The following TTYH3 variants were observed in gnomAD, a reference collection of about 807,000 sequenced individuals.
TTYH3 encodes the protein protein tweety homolog 3.
A neutral mutation model predicts 68.2 loss-of-function variants in TTYH3; 23 were observed. That is an observed-to-expected ratio of 0.34 (90% CI 0.24 to 0.48). The LOEUF (loss-of-function observed/expected upper bound fraction) is 0.48. Among genes scored for constraint, TTYH3 ranks in the 20% least tolerant of loss-of-function variants. The pLI, the probability that TTYH3 is intolerant of heterozygous loss-of-function variation, is 0.99. For synonymous variants in TTYH3, 360 were observed against 332.8 expected, an observed-to-expected ratio of 1.08 and a Z score of -0.89; for missense variants, 768 against 727.7, an observed-to-expected ratio of 1.06 and a Z score of -0.64.
rs1786320750 is a variant in TTYH3, at chr7:2,655,948, TG to T, written c.1021-143del. On this transcript the variant is annotated intron_variant, in intron 9 of 13. Transcript: ENST00000258796. ...GCCCAGAGTCCTTGTCCTCAGGACCTGCACTGAGACCCCAGGGTGGGGGGTA... is the reference window on the plus strand; with the variant it reads ...GCCCAGAGTCCTTGTCCTCAGGACCTCACTGAGACCCCAGGGTGGGGGGTA... 6 of 652,434 alleles carry T rather than the reference TG, an allele frequency of 9.2e-6. No individual in the cohort carries two copies. The South Asian group carries it at 1.2e-4, about 13-fold the overall frequency. 40.4% of individuals were successfully genotyped at this position (652,434 alleles called of 1,614,324 possible). A position where few individuals can be genotyped will look rare whatever the true frequency, so the allele number is the denominator to read the frequency against.
At chr7:2,635,821 T>A (rs997900629) in intron 1 of TTYH3, among the ~76,000 whole-genome samples, 5 of 152,242 alleles carry the variant, frequency 3.3e-5, no homozygotes, top group Admixed American at 3.3e-4. Context: ...CAGATGTTTC[T>A]GTTGAGACCT....
chr7:2,658,491 G>T, intron 12 of TTYH3, 32 bp downstream of exon 12: 1 of 1,584,886 alleles, frequency 6.3e-7, no homozygotes, highest in South Asian at 1.1e-5. Flanking sequence ...GGGGCCAGCG[G>T]ACACGTCAGC....
chr7:2,643,366 A>AG (rs1250678688), intron 1 of TTYH3, among the ~76,000 whole-genome samples: 5 of 151,928 alleles, frequency 3.3e-5, no homozygotes, highest in Admixed American at 2.6e-4. Context: ...AAAAAAAAAA[A>AG]AAAAAAATCG....
intron 1 of TTYH3, among the ~76,000 whole-genome samples, chr7:2,641,120 G>A (rs905976762): frequency 6.6e-5 from 10 of 152,310 alleles, no homozygotes; most frequent in Non-Finnish European, 8.8e-5. Flanking sequence ...AGCCCTGCCC[G>A]CTCCTCACCA....
In TTYH3 at chr7:2,656,349, C is replaced by T. The variant is rs751333058; in HGVS notation, c.1114-49C>T. 8 of 1,591,764 alleles carry T rather than the reference C, an allele frequency of 5.0e-6. 1 individual carries two copies. In the South Asian group the frequency reaches 7.8e-5, roughly 15 times the overall value. ...TGGGCTGAAGGTCTCACGCTGCCCC[C>T]TCCACCCTCCCTGTCTCTGGATCCT... On this transcript the variant is annotated intron_variant, in intron 10 of 13. Coordinates refer to ENST00000258796, the MANE Select transcript of TTYH3 (RefSeq NM_025250.3).
At chr7:2,646,815 G>C in intron 1 of TTYH3, 38 bp from the exon 2 acceptor site, 4 of 1,572,356 alleles carry the variant, frequency 2.5e-6, no homozygotes, top group Non-Finnish European at 3.4e-6. Context: ...CTGAGCTGGG[G>C]GTCCACCCCT....
At chr7:2,659,296 G>T (rs1786426281) in intron 13 of TTYH3, among the ~76,000 whole-genome samples, 1 of 152,196 alleles carries the variant, frequency 6.6e-6, no homozygotes, top group African/African-American at 2.4e-5. Flanking sequence ...GCCGCCCAGG[G>T]GGTCAGCTCT....
Position 2,652,168 on chromosome 7 carries a change from C to G in TTYH3, c.872-19C>G, listed in dbSNP as rs373849968. On this transcript the variant is annotated intron_variant, in intron 7 of 13. Transcript: ENST00000258796. Reference sequence around the variant, plus strand: ...GGGACAGCTGTTGCAGCTCAGCCTTCCCTGATGTCTCTCCGCAGACATCCT... The same window carrying G: ...GGGACAGCTGTTGCAGCTCAGCCTTGCCTGATGTCTCTCCGCAGACATCCT... The G allele has an allele frequency of 6.2e-7, 1 of 1,612,702 alleles. No individual in the cohort carries two copies. Among genetic ancestry groups the G allele is most frequent in the Admixed American group, 1.7e-5 (1 of 60,016 alleles).
rs1479258518 is a variant in TTYH3 at position 2,663,971 on chromosome 7, C to G, written c.*2232C>G. 1 of 152,484 alleles carries G rather than the reference C, an allele frequency of 6.6e-6. No homozygotes were observed. Among genetic ancestry groups the G allele is most frequent in the Non-Finnish European group, 1.5e-5 (1 of 68,102 alleles). The allele number at this position is 152,484 out of a possible 1,614,324, so 9.4% of individuals were successfully genotyped here. A position where few individuals can be genotyped will look rare whatever the true frequency, so the allele number is the denominator to read the frequency against. On this transcript the variant is annotated 3_prime_UTR_variant, in exon 14 of 14. Transcript: ENST00000258796. Reference sequence around the variant, plus strand: ...TGAGTTTTCGGTGCCGTGTTCCTAACTACTCCATCCCATGACCTCGCCACA... The same window carrying G: ...TGAGTTTTCGGTGCCGTGTTCCTAAGTACTCCATCCCATGACCTCGCCACA...
In TTYH3 at chr7:2,649,961, G is replaced by A. The variant is rs1342683025; in HGVS notation, c.844G>A (p.Val282Met). The A allele has an allele frequency of 6.2e-7, 1 of 1,614,066 alleles. No individual in the cohort carries two copies. The highest frequency in any genetic ancestry group is 1.3e-5 in the African/African-American group (1 of 75,042). ...CCCTGACGCCTACGTGACCAAAATG[G>A]TGGAGGAGTACTCGGTGCTGAGTGG... ...VDPDAYVTKMVEEYSVLSGDI... is the reference protein window; with the variant it reads ...VDPDAYVTKMMEEYSVLSGDI... Residue 282 changes from valine to methionine, a missense_variant, in exon 7 of 14, where the codon GTG becomes ATG. Val to Met is a conservative substitution (Grantham distance 21, BLOSUM62 1). Coordinates refer to ENST00000258796, the MANE Select transcript of TTYH3 (RefSeq NM_025250.3).
chr7:2,654,288 A>G (rs7793015), intron 9 of TTYH3, among the ~76,000 whole-genome samples: 81,718 of 151,914 alleles, frequency 0.54, 25,377 homozygotes, highest in African/African-American at 0.87. Flanking sequence ...CCAGCTGCAC[A>G]GGAGGCTGAG....
chr7:2,633,174 C>T (rs1001335815), intron 1 of TTYH3, among the ~76,000 whole-genome samples: 4 of 152,154 alleles, frequency 2.6e-5, no homozygotes, highest in Non-Finnish European at 5.9e-5. Context: ...CCTAGAGATC[C>T]GGATTCCAGA....
chr7:2,644,979 C>T (rs1562711073), intron 1 of TTYH3, among the ~76,000 whole-genome samples: 1 of 152,344 alleles, frequency 6.6e-6, no homozygotes, highest in Middle Eastern at 3.4e-3. Context: ...CAGCAGCTCC[C>T]AAGGCTGGGG....
chr7:2,652,958 A>G lies in TTYH3; in HGVS notation c.968A>G (p.Asp323Gly). The G allele has an allele frequency of 6.3e-7, 1 of 1,576,770 alleles. No individual in the cohort carries two copies. Among genetic ancestry groups the G allele is most frequent in the Non-Finnish European group, 8.6e-7 (1 of 1,161,706 alleles). ...GSHKALVEMQ[D>G]VVAELLRTVP... ...CACAAGGCACTGGTGGAGATGCAGG[A>G]TGTCGTGGCTGAGCTTCTGAGGACC... Residue 323 changes from aspartate (D) to glycine (G), a missense_variant, in exon 9 of 14, where the codon GAT becomes GGT. Coordinates refer to ENST00000258796, the MANE Select transcript of TTYH3 (RefSeq NM_025250.3).
intron 1 of TTYH3, among the ~76,000 whole-genome samples, chr7:2,633,062 C>T (rs1224845949): frequency 2.6e-5 from 4 of 152,112 alleles, no homozygotes; most frequent in Non-Finnish European, 4.4e-5. Context: ...CCAGGGGAGC[C>T]CTTAGCCTGG....
At chr7:2,647,677 A>G in intron 4 of TTYH3, 39 bp downstream of exon 4, 1 of 1,531,352 alleles carries the variant, frequency 6.5e-7, no homozygotes, top group East Asian at 2.5e-5. Flanking sequence ...CCCACGTGGG[A>G]AAGCATCACC....
intron 9 of TTYH3, among the ~76,000 whole-genome samples, chr7:2,654,117 C>T (rs928608554): frequency 5.2e-4 from 79 of 152,192 alleles, no homozygotes; most frequent in African/African-American, 1.6e-3. Flanking sequence ...CACACGGGGC[C>T]GGGCACGGCA....
At chr7:2,657,142 A>G (rs555398904) in intron 11 of TTYH3, among the ~76,000 whole-genome samples, 1 of 152,328 alleles carries the variant, frequency 6.6e-6, no homozygotes, top group Non-Finnish European at 1.5e-5. Context: ...TTCCCTTGCC[A>G]GAGCTCCTAT....
At chr7:2,636,285 T>G (rs1785654801) in intron 1 of TTYH3, among the ~76,000 whole-genome samples, 1 of 152,214 alleles carries the variant, frequency 6.6e-6, no homozygotes, top group African/African-American at 2.4e-5. Flanking sequence ...GCAGTGTTGG[T>G]CGCCTGTCGC....
Sources: gnomAD v4.1 joint callset for allele counts (sites outside exome capture counted in the v4.1 genomes callset) on GRCh38, gnomAD v4.1.1 for gene constraint, MANE v1.5 for transcripts, NCBI Gene and HGNC (gene_info 2026-07-23, HGNC 2026-07-21) for gene names.